ADGB: variants seen among roughly 807,000 people sequenced by gnomAD.
ADGB encodes the protein calpain-7-like protein.
ADGB carries 172 observed loss-of-function variants against 210.5 expected under a neutral mutation model. That is an observed-to-expected ratio of 0.82 (90% CI 0.72 to 0.93). The LOEUF is 0.93. Among genes scored for constraint, ADGB ranks in the 40% least tolerant of loss-of-function variants. ADGB has a pLI of 0.00. For missense variants in ADGB, 2,025 were observed against 1,964.8 expected, an observed-to-expected ratio of 1.03 and a Z score of -0.58; for synonymous variants, 658 against 662.7, an observed-to-expected ratio of 0.99 and a Z score of 0.11.
intron 33 of ADGB, among the ~76,000 whole-genome samples, chr6:146,798,154 G>A (rs1778073090): frequency 6.6e-6 from 1 of 152,048 alleles, no homozygotes; most frequent in Non-Finnish European, 1.5e-5. Context: ...CAGATGATCT[G>A]CCTTAAAACA....
chr6:146,628,340 T>A (rs1198058781), intron 1 of ADGB, among the ~76,000 whole-genome samples: 1 of 152,028 alleles, frequency 6.6e-6, no homozygotes, highest in Non-Finnish European at 1.5e-5. Flanking sequence ...AAAATTATTA[T>A]CATTATTATG....
Position 146,740,542 on chromosome 6 carries a change from A to C in ADGB, c.2972A>C (p.Tyr991Ser). The C allele has an allele frequency of 6.4e-7, 1 of 1,550,926 alleles. No individual in the cohort carries two copies. The highest frequency in any genetic ancestry group is 8.7e-7 in the Non-Finnish European group (1 of 1,146,552). ...DEETKIAFAD[Y>S]TVTYQEQPPN... ...GAAACTAAGATTGCTTTTGCAGATT[A>C]TACTGTGACTTATCAAGAACAGCCA... The change falls in exon 24 of 36, where the codon TAT (tyrosine) becomes TCT (serine). Residue 991 changes from tyrosine (Y) to serine (S), a missense_variant. Coordinates refer to ENST00000397944, the MANE Select transcript of ADGB (RefSeq NM_024694.4).
chr6:146,753,156 A>G (rs1777348766), intron 27 of ADGB, among the ~76,000 whole-genome samples: 1 of 152,088 alleles, frequency 6.6e-6, no homozygotes, highest in Non-Finnish European at 1.5e-5. Context: ...TCTGAGGTGT[A>G]TTACGTAGTT....
chr6:146,603,038 A>G (rs184700515), intron 1 of ADGB, among the ~76,000 whole-genome samples: 74 of 152,240 alleles, frequency 4.9e-4, no homozygotes, highest in African/African-American at 1.8e-3. Context: ...TACTTTTCTT[A>G]TGAGGACAAT....
At chr6:146,707,415 T>G (rs113162876) in intron 13 of ADGB, among the ~76,000 whole-genome samples, 27 of 152,240 alleles carry the variant, frequency 1.8e-4, no homozygotes, top group African/African-American at 5.3e-4. Context: ...TGAGCTATCC[T>G]TTGCTGAAAG....
chr6:146,764,862 T>TGATC (rs1255725921), intron 28 of ADGB, among the ~76,000 whole-genome samples: 2 of 152,118 alleles, frequency 1.3e-5, no homozygotes, highest in Non-Finnish European at 2.9e-5. Context: ...TGCAATGGCG[T>TGATC]GATCTCGGCT....
chr6:146,796,597 A>G (rs1554258092), intron 33 of ADGB, among the ~76,000 whole-genome samples: 1 of 152,148 alleles, frequency 6.6e-6, no homozygotes, highest in Non-Finnish European at 1.5e-5. Context: ...AAAAGCAAAC[A>G]AAACAGAAAG....
intron 27 of ADGB, 98 bp downstream of exon 27, chr6:146,752,812 T>A: frequency 8.5e-7 from 1 of 1,179,690 alleles, no homozygotes; most frequent in African/African-American, 1.6e-5. Flanking sequence ...AAGTAACCAC[T>A]TAAATTATGA....
At chr6:146,702,876 A>T (rs1009464593) in intron 13 of ADGB, among the ~76,000 whole-genome samples, 16 of 151,954 alleles carry the variant, frequency 1.1e-4, no homozygotes, top group Non-Finnish European at 7.4e-5. Context: ...TTGGAATTTT[A>T]AAATAATTAT....
At chr6:146,602,941 G>T (rs557656390) in intron 1 of ADGB, among the ~76,000 whole-genome samples, 2 of 152,180 alleles carry the variant, frequency 1.3e-5, no homozygotes, top group African/African-American at 2.4e-5. Flanking sequence ...GTGCCAAAAA[G>T]GTTGGGGATG....
At chr6:146,705,266 A>G (rs756261485) in intron 13 of ADGB, among the ~76,000 whole-genome samples, 3 of 152,036 alleles carry the variant, frequency 2.0e-5, no homozygotes, top group Admixed American at 6.6e-5. Context: ...TTCCAATTTG[A>G]GTGCCTTTTC....
At chr6:146,693,145 G>T (rs1357623067) in intron 12 of ADGB, among the ~76,000 whole-genome samples, 1 of 152,136 alleles carries the variant, frequency 6.6e-6, no homozygotes, top group East Asian at 1.9e-4. Flanking sequence ...TGTGTGTTAT[G>T]AGCTGAATGT....
chr6:146,696,232 C>A (rs376339554), intron 12 of ADGB, among the ~76,000 whole-genome samples: 1 of 151,958 alleles, frequency 6.6e-6, no homozygotes, highest in African/African-American at 2.4e-5. Flanking sequence ...TGTGCCACCA[C>A]ACCCGGCTAA....
chr6:146,616,167 T>G (rs1281828403), intron 1 of ADGB, among the ~76,000 whole-genome samples: 1 of 152,170 alleles, frequency 6.6e-6, no homozygotes, highest in Non-Finnish European at 1.5e-5. Flanking sequence ...TGATGATTAA[T>G]GATGTTGAAT....
rs979227166 is a variant in ADGB, at chr6:146,635,416, A to C, written c.116A>C (p.Glu39Ala). ...FGSNVQSGST[E>A]QKKGKFPLWP... is the part of the protein sequence containing the mutation. The stretch of plus-strand genomic sequence containing the variant: ...AGTAATGTACAATCTGGTTCTACTG[A>C]ACAAAAGAAGGGGAAATTCCCACTC... Residue 39 changes from glutamate to alanine, a missense_variant, in exon 2 of 36, where the codon GAA (glutamate) becomes GCA (alanine). Transcript: ENST00000397944. 18 of 1,547,542 alleles carry C rather than the reference A, an allele frequency of 1.2e-5. No homozygotes were observed. Among genetic ancestry groups the C allele is most frequent in the Non-Finnish European group, 1.6e-5 (18 of 1,144,790 alleles).
chr6:146,644,239 A>G (rs961209031), intron 2 of ADGB, among the ~76,000 whole-genome samples: 2 of 151,926 alleles, frequency 1.3e-5, no homozygotes, highest in African/African-American at 4.8e-5. Context: ...GTATTATTTC[A>G]TACAGTTGTA....
chr6:146,750,487 G>A (rs1272989656), intron 26 of ADGB, among the ~76,000 whole-genome samples: 1 of 152,130 alleles, frequency 6.6e-6, no homozygotes, highest in Non-Finnish European at 1.5e-5. Context: ...GAGCCCAGGA[G>A]TTTGAGGTGC....
chr6:146,599,180 G>T (rs778192822), intron 1 of ADGB, 66 bp downstream of exon 1: 2 of 1,437,228 alleles, frequency 1.4e-6, no homozygotes, highest in South Asian at 2.4e-5. Flanking sequence ...CTAGTTCTGG[G>T]GCTGCCTCCC....
chr6:146,748,408 G>C (rs1190133983), intron 26 of ADGB, among the ~76,000 whole-genome samples: 1 of 152,152 alleles, frequency 6.6e-6, no homozygotes, highest in Non-Finnish European at 1.5e-5. Flanking sequence ...AGAAGTGTGA[G>C]ATCAAAGTGT....
Sources: allele counts gnomAD v4.1 joint callset (sites outside exome capture counted in the v4.1 genomes callset), GRCh38; gene constraint gnomAD v4.1.1; transcripts MANE v1.5; gene names NCBI Gene and HGNC (gene_info 2026-07-23, HGNC 2026-07-21).